Variants in NRG1 observed in about 807,000 individuals in gnomAD.
NRG1 encodes neuregulin 1, also known as pro-neuregulin-1, membrane-bound isoform.
Under a neutral mutation model 63.8 loss-of-function variants are expected in NRG1, and 18 were observed. The ratio of observed to expected loss-of-function variants is 0.28; its 90% CI spans 0.19 to 0.42. NRG1 has a LOEUF of 0.42. Ranked by LOEUF, NRG1 falls within the 10% of genes least tolerant of loss-of-function variation. The pLI, the probability that NRG1 is intolerant of heterozygous loss-of-function variation, is 1.00. For synonymous variants in NRG1, 302 were observed against 301.3 expected, an observed-to-expected ratio of 1.00 and a Z score of -0.02; for missense variants, 762 against 814.7, an observed-to-expected ratio of 0.94 and a Z score of 0.79.
At chr8:31,869,880 G>A (rs1829327901) in intron 1 of NRG1, among the ~76,000 whole-genome samples, 2 of 152,286 alleles carry the variant, frequency 1.3e-5, no homozygotes, top group African/African-American at 2.4e-5. Flanking sequence ...AAAGCAGGGT[G>A]TGACCTTATT....
chr8:32,517,826 T>G (rs1829980983), intron 1 of NRG1, among the ~76,000 whole-genome samples: 1 of 152,192 alleles, frequency 6.6e-6, no homozygotes, highest in Non-Finnish European at 1.5e-5. Flanking sequence ...CCCACAATAT[T>G]CATATGAGTT....
At chr8:31,750,678 C>T (rs973582633) in intron 1 of NRG1, among the ~76,000 whole-genome samples, 2 of 151,788 alleles carry the variant, frequency 1.3e-5, no homozygotes, top group African/African-American at 4.8e-5. Context: ...CATCTCATTA[C>T]AACAAGCCAC....
chr8:32,322,981 T>C (rs1032518685), intron 1 of NRG1, among the ~76,000 whole-genome samples: 1 of 151,754 alleles, frequency 6.6e-6, no homozygotes, highest in Admixed American at 6.6e-5. Context: ...GAACTAGAAA[T>C]CTGAGAAAGA....
chr8:32,377,200 G>C (rs1471646710), intron 1 of NRG1, among the ~76,000 whole-genome samples: 2 of 152,218 alleles, frequency 1.3e-5, no homozygotes, highest in Non-Finnish European at 2.9e-5. Flanking sequence ...GCTTCAAGAA[G>C]TTGAAGGACA....
intron 5 of NRG1, among the ~76,000 whole-genome samples, chr8:32,703,125 T>C (rs949584089): frequency 5.3e-5 from 8 of 152,130 alleles, no homozygotes; most frequent in Admixed American, 5.2e-4. Flanking sequence ...TTTATTGTGG[T>C]CAAAGGATGG....
At chr8:32,595,429 T>C (rs112983617) in intron 1 of NRG1, among the ~76,000 whole-genome samples, 2 of 152,090 alleles carry the variant, frequency 1.3e-5, no homozygotes, top group East Asian at 3.9e-4. Flanking sequence ...GGTCAAGTGA[T>C]CCTCCTGCCT....
intron 1 of NRG1, among the ~76,000 whole-genome samples, chr8:32,067,961 T>A (rs1320941602): frequency 1.3e-5 from 2 of 152,198 alleles, no homozygotes; most frequent in Non-Finnish European, 2.9e-5. Context: ...CCTTTTTCAA[T>A]GCTTGTGTAG....
At position 32,447,928 on chromosome 8, in the gene NRG1, A is replaced by G. The variant is rs370364061; in HGVS notation, c.38-147900A>G. On this transcript the variant is annotated intron_variant, in intron 1 of 10. Transcript: ENST00000519301. ...TAAAAGGAAGGATGACTTTCTTACTATAACTCCTTATGATAATTTTTTCCA... is the reference window on the plus strand; with the variant it reads ...TAAAAGGAAGGATGACTTTCTTACTGTAACTCCTTATGATAATTTTTTCCA... Among the ~76,000 whole-genome samples, 20 of 152,132 alleles carry G rather than the reference A, an allele frequency of 1.3e-4. No homozygotes were observed. In the East Asian group the frequency reaches 2.7e-3, roughly 21 times the overall value.
At chr8:32,518,252 T>C (rs1471061440) in intron 1 of NRG1, among the ~76,000 whole-genome samples, 1 of 152,162 alleles carries the variant, frequency 6.6e-6, no homozygotes, top group Non-Finnish European at 1.5e-5. Flanking sequence ...TGTCACCTAT[T>C]GCTATGATGC....
intron 1 of NRG1, among the ~76,000 whole-genome samples, chr8:32,405,626 C>T (rs16879347): frequency 0.019 from 2,929 of 152,222 alleles, 91 homozygotes; most frequent in African/African-American, 0.067. Flanking sequence ...ACAAAATGCT[C>T]ATTTATAATT....
chr8:31,828,686 G>C (rs1019898485), intron 1 of NRG1, among the ~76,000 whole-genome samples: 1 of 152,106 alleles, frequency 6.6e-6, no homozygotes, highest in Admixed American at 6.6e-5. Context: ...CATCCCCTAC[G>C]TTATATACCC....
intron 1 of NRG1, among the ~76,000 whole-genome samples, chr8:32,519,619 T>A (rs1830147001): frequency 6.6e-6 from 1 of 152,148 alleles, no homozygotes; most frequent in African/African-American, 2.4e-5. Context: ...CACACACATA[T>A]CCTGTTATTT....
intron 1 of NRG1, among the ~76,000 whole-genome samples, chr8:32,001,120 C>T (rs1812852282): frequency 6.6e-6 from 1 of 152,004 alleles, no homozygotes; most frequent in South Asian, 2.1e-4. Flanking sequence ...AGATTTGTTA[C>T]AATAAGTGAG....
chr8:32,493,045 A>C (rs1314852217), intron 1 of NRG1, among the ~76,000 whole-genome samples: 1 of 152,148 alleles, frequency 6.6e-6, no homozygotes, highest in Non-Finnish European at 1.5e-5. Context: ...TTGTTGGGTC[A>C]CTTTAAAAAC....
intron 1 of NRG1, among the ~76,000 whole-genome samples, chr8:32,393,578 T>C (rs1278722789): frequency 6.6e-6 from 1 of 152,196 alleles, no homozygotes; most frequent in African/African-American, 2.4e-5. Flanking sequence ...TTATGTCCTT[T>C]ACAGGAACAT....
At chr8:32,644,519 T>C (rs1853081428) in intron 5 of NRG1, among the ~76,000 whole-genome samples, 1 of 152,164 alleles carries the variant, frequency 6.6e-6, no homozygotes, top group Admixed American at 6.5e-5. Context: ...CCCATCCTTC[T>C]CCATTTCCCC....
chr8:31,796,308 A>G (rs746587583), intron 1 of NRG1, among the ~76,000 whole-genome samples: 3 of 150,460 alleles, frequency 2.0e-5, no homozygotes, highest in Non-Finnish European at 4.4e-5. Context: ...TTCAGGTAGG[A>G]TATCTATCAC....
chr8:32,297,270 T>C lies in NRG1; in HGVS notation c.38-298558T>C, dbSNP rs1033510609. On this transcript the variant is annotated intron_variant, in intron 1 of 10. Transcript: ENST00000519301. ...TTCATAGTGATCTATGAGTAATCTA[T>C]TGAAATAGCTTGGCATTACATAAAA... Among the ~76,000 whole-genome samples, 5 of 152,260 alleles carry C rather than the reference T, an allele frequency of 3.3e-5. No individual in the cohort carries two copies. The East Asian group carries it at 7.8e-4, about 24-fold the overall frequency.
chr8:31,830,822 A>C (rs1399431592), intron 1 of NRG1, among the ~76,000 whole-genome samples: 1 of 152,138 alleles, frequency 6.6e-6, no homozygotes, highest in Non-Finnish European at 1.5e-5. Context: ...TGATTAGGTC[A>C]TATGCCTATC....
Sources: allele counts gnomAD v4.1 joint callset (sites outside exome capture counted in the v4.1 genomes callset), GRCh38; gene constraint gnomAD v4.1.1; transcripts MANE v1.5; gene names NCBI Gene and HGNC (gene_info 2026-07-23, HGNC 2026-07-21).